The following ALDH18A1 variants were observed in gnomAD, a reference collection of about 807,000 sequenced individuals.
The protein encoded by ALDH18A1 is aldehyde dehydrogenase 18 family member A1, also known as delta-1-pyrroline-5-carboxylate synthase.
A neutral mutation model predicts 88.8 loss-of-function variants in ALDH18A1; 44 were observed. The observed-to-expected ratio is 0.50, with a 90% confidence interval of 0.39 to 0.64. The LOEUF is 0.64. Among genes scored for constraint, ALDH18A1 ranks in the 30% least tolerant of loss-of-function variants. The pLI is 0.00. For missense variants in ALDH18A1, 782 were observed against 1,009.5 expected (o/e 0.77, Z 3.05); for synonymous variants, 331 against 372.1 (o/e 0.89, Z 1.27).
intron 11 of ALDH18A1, among the ~76,000 whole-genome samples, chr10:95,621,758 C>A (rs75868521): frequency 0.03 from 4,521 of 152,020 alleles, 227 homozygotes; most frequent in African/African-American, 0.1. Flanking sequence ...ACCCTGATAC[C>A]CTTTGTCCCA....
chr10:95,624,199 G>A (rs1241608663), intron 11 of ALDH18A1, among the ~76,000 whole-genome samples: 4 of 152,218 alleles, frequency 2.6e-5, no homozygotes, highest in Non-Finnish European at 5.9e-5. Context: ...GGATTGCTAA[G>A]CCACGCTCAT....
intron 2 of ALDH18A1, among the ~76,000 whole-genome samples, chr10:95,644,555 C>T (rs2097897700): frequency 6.6e-6 from 1 of 152,170 alleles, no homozygotes; most frequent in African/African-American, 2.4e-5. Flanking sequence ...CCCTTCAATA[C>T]TTCTTATGGG....
At chr10:95,630,314 G>A (rs1157758128) in intron 7 of ALDH18A1, among the ~76,000 whole-genome samples, 1 of 152,140 alleles carries the variant, frequency 6.6e-6, no homozygotes, top group African/African-American at 2.4e-5. Flanking sequence ...GTAAAACTGG[G>A]TTAGCCTACC....
chr10:95,638,320 G>A lies in ALDH18A1; in HGVS notation c.304-884C>T, dbSNP rs940124019. On this transcript the variant is annotated intron_variant, in intron 3 of 17. Transcript: ENST00000371224. ...TTACAGACATGAGCCACCATGCCTG[G>A]CCTAAGTAAGACATTTTTAATGAGG... is the stretch of plus-strand genomic sequence containing the variant. Among the ~76,000 whole-genome samples the A allele has an allele frequency of 6.6e-5, 10 of 152,304 alleles. No individual in the cohort carries two copies. In the South Asian group the frequency reaches 2.1e-3, roughly 32 times the overall value.
At chr10:95,655,691 T>A (rs994702307) in intron 1 of ALDH18A1, among the ~76,000 whole-genome samples, 1 of 151,756 alleles carries the variant, frequency 6.6e-6, no homozygotes, top group Admixed American at 6.6e-5. Flanking sequence ...AGTGTGTGTG[T>A]GTGTGTGTGT....
intron 17 of ALDH18A1, among the ~76,000 whole-genome samples, chr10:95,608,720 C>T (rs533057027): frequency 2.6e-4 from 39 of 152,252 alleles, no homozygotes; most frequent in Non-Finnish European, 4.6e-4. Context: ...AGGCTGGTCT[C>T]GAACTCCCCG....
chr10:95,611,185 G>A (rs2296690), intron 16 of ALDH18A1, 71 bp downstream of exon 16: 10 of 1,573,770 alleles, frequency 6.4e-6, no homozygotes, highest in African/African-American at 4.0e-5. Context: ...CAGCCCAAGG[G>A]GGGCTAAGAG....
At chr10:95,608,138 T>C (rs1195387294) in intron 17 of ALDH18A1, among the ~76,000 whole-genome samples, 1 of 152,252 alleles carries the variant, frequency 6.6e-6, no homozygotes, top group Non-Finnish European at 1.5e-5. Context: ...CTGTCATTAA[T>C]GCATTTCACA....
At chr10:95,611,664 CT>C (rs1355620537) in intron 15 of ALDH18A1, among the ~76,000 whole-genome samples, 1 of 152,132 alleles carries the variant, frequency 6.6e-6, no homozygotes, top group Non-Finnish European at 1.5e-5. Context: ...AGCAGGAAGC[CT>C]TGAACGTTAA....
chr10:95,648,436 T>C (rs1210799754), intron 2 of ALDH18A1, among the ~76,000 whole-genome samples: 3 of 152,158 alleles, frequency 2.0e-5, no homozygotes, highest in African/African-American at 7.2e-5. Context: ...ATTATCCCCA[T>C]TTTATAAATA....
chr10:95,631,484 C>T (rs2097869336), intron 7 of ALDH18A1, among the ~76,000 whole-genome samples: 1 of 152,126 alleles, frequency 6.6e-6, no homozygotes, highest in South Asian at 2.1e-4. Context: ...GTGGCTCACA[C>T]CTGTAATCCC....
intron 5 of ALDH18A1, among the ~76,000 whole-genome samples, chr10:95,633,965 C>T (rs1328661111): frequency 1.3e-5 from 2 of 151,922 alleles, no homozygotes; most frequent in African/African-American, 2.4e-5. Flanking sequence ...TACAGGCACA[C>T]GCAGCTAATT....
chr10:95,638,384 T>G (rs1314504782), intron 3 of ALDH18A1, among the ~76,000 whole-genome samples: 1 of 152,182 alleles, frequency 6.6e-6, no homozygotes, highest in African/African-American at 2.4e-5. Context: ...TCTATAGGAC[T>G]TGACTGTATT....
intron 10 of ALDH18A1, 106 bp downstream of exon 10, chr10:95,626,597 T>C: frequency 9.5e-7 from 1 of 1,048,160 alleles, no homozygotes. Context: ...CAGATAACTC[T>C]GTGGCTCACT....
In ALDH18A1 at chr10:95,631,757, A is replaced by T. The variant is rs183338078; in HGVS notation, c.808+1202T>A. ...GGCTCTGCCTCAAAAAAAAAAAAAA[A>T]AAAAAAAACAACTGAATAACAGCAA... On this transcript the variant is annotated intron_variant, in intron 7 of 17. Coordinates refer to ENST00000371224, the MANE Select transcript of ALDH18A1 (RefSeq NM_002860.4). Among the ~76,000 whole-genome samples the T allele has an allele frequency of 3.0e-3, 453 of 151,744 alleles. 3 individuals are homozygous for T. The highest frequency in any genetic ancestry group is 0.01 in the African/African-American group (427 of 41,358).
At position 95,633,548 on chromosome 10, in the gene ALDH18A1, G is replaced by A. The variant is rs765983293; in HGVS notation, c.660C>T (p.Asn220=). 2.5e-6 allele frequency: 4 copies of A among 1,614,050 alleles called. No homozygotes were observed. The highest frequency in any genetic ancestry group is 1.3e-5 in the African/African-American group (1 of 74,912). The change falls in exon 6 of 18, where the codon AAC becomes AAT. Residue 220 remains asparagine, a synonymous_variant. Coordinates refer to ENST00000371224, the MANE Select transcript of ALDH18A1 (RefSeq NM_002860.4). The part of the protein sequence containing the change: ...LLRMNIVPIV[N]TNDAVVPPAE... ...CTGGGGGGACAACAGCATCATTTGT[G>A]TTGACAATGGGGACAATGTTCATTC... is the stretch of plus-strand genomic sequence containing the variant.
At chr10:95,632,800 C>A (rs962114355) in intron 7 of ALDH18A1, among the ~76,000 whole-genome samples, 159 bp downstream of exon 7, 1 of 152,174 alleles carries the variant, frequency 6.6e-6, no homozygotes, top group Admixed American at 6.5e-5. Context: ...GACTCACCCA[C>A]CCTGTTTTGA....
intron 1 of ALDH18A1, among the ~76,000 whole-genome samples, chr10:95,655,301 AAG>A (rs976451509): frequency 2.0e-5 from 3 of 152,194 alleles, no homozygotes; most frequent in Non-Finnish European, 2.9e-5. Context: ...TGAGAATTAA[AAG>A]AGAGAATGCG....
chr10:95,637,947 TGA>T (rs1277522042), intron 3 of ALDH18A1, among the ~76,000 whole-genome samples: 3 of 151,138 alleles, frequency 2.0e-5, no homozygotes, highest in Middle Eastern at 3.4e-3. Context: ...GGCAATAGAA[TGA>T]GAGAGATGCT....
Sources: gnomAD v4.1 joint callset for allele counts (sites outside exome capture counted in the v4.1 genomes callset) on GRCh38, gnomAD v4.1.1 for gene constraint, MANE v1.5 for transcripts, NCBI Gene and HGNC (gene_info 2026-07-23, HGNC 2026-07-21) for gene names.